MSRB1: variants seen among roughly 807,000 people sequenced by gnomAD.
The protein encoded by MSRB1 is methionine-R-sulfoxide reductase B1.
Under a neutral mutation model 15.2 loss-of-function variants are expected in MSRB1, and 13 were observed. The observed-to-expected ratio is 0.86, with a 90% confidence interval of 0.56 to 1.36. MSRB1 has a LOEUF of 1.36. Ranked by LOEUF, MSRB1 falls within the 40% of genes most tolerant of loss-of-function variation. The pLI is 0.00. For missense variants in MSRB1, 174 were observed against 155.9 expected (o/e 1.12, Z -0.62); for synonymous variants, 68 against 64.5 (o/e 1.05, Z -0.26).
chr16:1,941,378 T>C lies in MSRB1; in HGVS notation c.83A>G (p.Tyr28Cys), dbSNP rs763672810. Residue 28 changes from tyrosine (Y) to cysteine (C), a missense_variant, in exon 2 of 4, where the codon TAT (tyrosine) becomes TGT (cysteine). Physicochemically the swap from Tyr to Cys is radical, Grantham distance 194. Coordinates refer to ENST00000361871, the MANE Select transcript of MSRB1 (RefSeq NM_016332.4). The stretch of plus-strand genomic sequence containing the variant: ...CTTCGAGCGGCTGGAGAACAGCTCA[T>C]AGCCACACTTGGCACACACGTAAAC... ...PGVYVCAKCG[Y>C]ELFSSRSKYA... 4 of 1,613,464 alleles carry C rather than the reference T, an allele frequency of 2.5e-6. No homozygotes were observed. The highest frequency in any genetic ancestry group is 8.5e-7 in the Non-Finnish European group (1 of 1,179,838).
At chr16:1,940,552 GC>G (rs1359989965) in intron 3 of MSRB1, among the ~76,000 whole-genome samples, 2 of 152,248 alleles carry the variant, frequency 1.3e-5, no homozygotes, top group Non-Finnish European at 2.9e-5. Context: ...TCACGCTGAA[GC>G]CCCTTTTTGG....
At chr16:1,939,857 G>A (rs936250549) in intron 3 of MSRB1, among the ~76,000 whole-genome samples, 11 of 151,652 alleles carry the variant, frequency 7.3e-5, no homozygotes, top group South Asian at 2.1e-4. Flanking sequence ...GGGAGGCTGA[G>A]GCAGAAGAAT....
At position 1,939,620 on chromosome 16, in the gene MSRB1, C is replaced by T. The variant is rs193041536; in HGVS notation, c.320-477G>A. On this transcript the variant is annotated intron_variant, in intron 3 of 3. Coordinates refer to ENST00000361871, the MANE Select transcript of MSRB1 (RefSeq NM_016332.4). ...GGCCAAGGCCCAGAGGAGTTCAAGA[C>T]CAGCCTGGGCCACATAGTGAGACCC... 6.6e-5 allele frequency among the ~76,000 whole-genome samples: 10 copies of T among 152,208 alleles called. No homozygotes were observed. The East Asian group carries it at 1.9e-3, about 29-fold the overall frequency.
At chr16:1,942,655 A>T (rs1377548586) in intron 1 of MSRB1, among the ~76,000 whole-genome samples, 1 of 152,278 alleles carries the variant, frequency 6.6e-6, no homozygotes, top group Non-Finnish European at 1.5e-5. Context: ...GGGAAGGGCC[A>T]GGGTAACACC....
intron 2 of MSRB1, 82 bp downstream of exon 2, chr16:1,941,175 G>A (rs1343265067): frequency 6.3e-7 from 1 of 1,581,470 alleles, no homozygotes; most frequent in Admixed American, 1.8e-5. Context: ...GAGCTGTGGG[G>A]CAAGCAGAGG....
intron 1 of MSRB1, among the ~76,000 whole-genome samples, chr16:1,942,691 C>T (rs1358065905): frequency 6.6e-6 from 1 of 152,270 alleles, no homozygotes; most frequent in East Asian, 1.9e-4. Context: ...GAAGGGGCGC[C>T]CCGGCCACAG....
intron 2 of MSRB1, 66 bp from the exon 3 acceptor site, chr16:1,940,958 C>G: frequency 2.5e-6 from 4 of 1,606,080 alleles, no homozygotes; most frequent in Non-Finnish European, 3.4e-6. Context: ...AAGGCCCTTA[C>G]TGGGGCTGGC....
Position 1,940,805 on chromosome 16 carries a change from TGAATATTCA to T in MSRB1, c.283_291del (p.Sec95_Phe97del). On this transcript the variant is annotated inframe_deletion, in exon 3 of 4. Coordinates refer to ENST00000361871, the MANE Select transcript of MSRB1 (RefSeq NM_016332.4). ...TTAGGGACAAACTTCAGCGAGCTGC[TGAATATTCA>T]GAATCGGGACTGCCCCGGCTTGGGG... The T allele has an allele frequency of 6.2e-7, 1 of 1,613,958 alleles. No individual in the cohort carries two copies.
Position 1,941,288 on chromosome 16 carries a change from C to T in MSRB1, c.173G>A (p.Arg58His), listed in dbSNP as rs760850788. 2.3e-5 allele frequency: 37 copies of T among 1,613,434 alleles called. No homozygotes were observed. In the Middle Eastern group the frequency reaches 8.2e-4, roughly 36 times the overall value. ...GGCTTCAGATCTATTGTGCTCCGGACGCTTGGCCACGCTGTCGGCGTGAAT... is the reference window on the plus strand; with the variant it reads ...GGCTTCAGATCTATTGTGCTCCGGATGCTTGGCCACGCTGTCGGCGTGAAT... ...ETIHADSVAK[R>H]PEHNRSEALK... The change falls in exon 2 of 4, where the codon CGT becomes CAT. Residue 58 changes from arginine (R) to histidine (H), a missense_variant. Arg to His is a conservative substitution (Grantham distance 29, BLOSUM62 0). Transcript: ENST00000361871.
intron 2 of MSRB1, 107 bp downstream of exon 2, chr16:1,941,150 G>T: frequency 1.3e-6 from 2 of 1,559,804 alleles, no homozygotes; most frequent in Non-Finnish European, 1.7e-6. Context: ...TGGAATAGAC[G>T]CCTCTAAGCC....
Position 1,943,147 on chromosome 16 carries a change from A to G in MSRB1, c.10T>C (p.Cys4Arg). The G allele has an allele frequency of 6.4e-7, 1 of 1,561,554 alleles. No homozygotes were observed. The highest frequency in any genetic ancestry group is 1.7e-4 in the Middle Eastern group (1 of 6,008). Residue 4 changes from cysteine to arginine, a missense_variant, in exon 1 of 4, where the codon TGC (cysteine) becomes CGC (arginine). Cys to Arg is a radical substitution (Grantham distance 180, BLOSUM62 -3). Transcript: ENST00000361871. The stretch of plus-strand genomic sequence containing the variant: ...AAAACCTCGCCCCCGAAGAAGCTGC[A>G]GAACGACATGGCGCCACCGGAACCG... MSF[C>R]SFFGGEVFQN...
intron 1 of MSRB1, among the ~76,000 whole-genome samples, chr16:1,942,583 G>A (rs1412608520): frequency 6.6e-6 from 1 of 152,242 alleles, no homozygotes; most frequent in Non-Finnish European, 1.5e-5. Context: ...GGCACATTAG[G>A]ATCTGAAGGG....
chr16:1,940,610 GC>G (rs904807366), intron 3 of MSRB1, among the ~76,000 whole-genome samples, 167 bp downstream of exon 3: 1 of 152,252 alleles, frequency 6.6e-6, no homozygotes, highest in Non-Finnish European at 1.5e-5. Context: ...CAGCTCCTTT[GC>G]CCCTGCGCTG....
At chr16:1,940,440 G>T (rs1295092366) in intron 3 of MSRB1, among the ~76,000 whole-genome samples, 1 of 152,242 alleles carries the variant, frequency 6.6e-6, no homozygotes, top group Admixed American at 6.5e-5. Context: ...GCCAGTGGGA[G>T]ACACAGCCGC....
chr16:1,942,194 G>A (rs1485386924), intron 1 of MSRB1, among the ~76,000 whole-genome samples: 2 of 152,234 alleles, frequency 1.3e-5, no homozygotes. Flanking sequence ...AGCAGCTGCT[G>A]TGGAAGTGGA....
At position 1,939,495 on chromosome 16, in the gene MSRB1, G is replaced by A. The variant is rs140564869; in HGVS notation, c.320-352C>T. Among the ~76,000 whole-genome samples, 27 of 149,084 alleles carry A rather than the reference G, an allele frequency of 1.8e-4. 1 individual carries two copies. The highest frequency in any genetic ancestry group is 4.4e-4 in the African/African-American group (17 of 38,830). ...CGCACCAGATCCTGACAGGCTGCTC[G>A]CTCAACCCCACAGCACGGTGATGGC... On this transcript the variant is annotated intron_variant, in intron 3 of 3. Transcript: ENST00000361871.
At position 1,943,193 on chromosome 16, in the gene MSRB1, A is replaced by G. The variant is rs575130473; in HGVS notation, c.-37T>C. On this transcript the variant is annotated 5_prime_UTR_variant, in exon 1 of 4. Transcript: ENST00000361871. ...AACCGCAGCGCGCTTGCCGCTGCCA[A>G]CTGACCAAAGGCTGCCGACCCGACG... 2.9e-4 allele frequency: 453 copies of G among 1,550,282 alleles called. No individual in the cohort carries two copies. The highest frequency in any genetic ancestry group is 2.7e-3 in the Middle Eastern group (16 of 5,994).
Position 1,938,626 on chromosome 16 carries a change from A to C in MSRB1, c.*486T>G. 4.9e-6 allele frequency: 1 copy of C among 202,716 alleles called. No individual in the cohort carries two copies. Among genetic ancestry groups the C allele is most frequent in the Non-Finnish European group, 1.0e-5 (1 of 97,496 alleles). 12.6% of individuals were successfully genotyped at this position (202,716 alleles called of 1,614,324 possible). A position where few individuals can be genotyped will look rare whatever the true frequency, so the allele number is the denominator to read the frequency against. ...AGGGTTTGACCAGAGCGGATCATGC[A>C]GTGACCAGGGCCAGGGCGGCTGGCA... On this transcript the variant is annotated 3_prime_UTR_variant, in exon 4 of 4. Transcript: ENST00000361871.
chr16:1,940,335 G>A (rs1015424760), intron 3 of MSRB1, among the ~76,000 whole-genome samples: 6 of 151,658 alleles, frequency 4.0e-5, no homozygotes, highest in Non-Finnish European at 5.9e-5. Context: ...CCAGGTGCAC[G>A]TGACACGCAG....
Sources: allele counts gnomAD v4.1 joint callset (sites outside exome capture counted in the v4.1 genomes callset), GRCh38; gene constraint gnomAD v4.1.1; transcripts MANE v1.5; gene names NCBI Gene and HGNC (gene_info 2026-07-23, HGNC 2026-07-21).